Variants in PDE3A observed in about 807,000 individuals in gnomAD.
PDE3A encodes the protein phosphodiesterase 3A.
A neutral mutation model predicts 98.3 loss-of-function variants in PDE3A; 43 were observed. The observed-to-expected ratio is 0.44, with a 90% CI of 0.34 to 0.56. The LOEUF (loss-of-function observed/expected upper bound fraction) is 0.56. PDE3A is among the 20% of genes least tolerant of loss of function. The pLI, the probability that PDE3A is intolerant of heterozygous loss-of-function variation, is 0.01. For missense variants in PDE3A, 1,427 were observed against 1,440.7 expected, an observed-to-expected ratio of 0.99 and a Z score of 0.15; for synonymous variants, 663 against 567.9, an observed-to-expected ratio of 1.17 and a Z score of -2.38.
intron 2 of PDE3A, among the ~76,000 whole-genome samples, chr12:20,611,699 C>T (rs1369851976): frequency 6.6e-6 from 1 of 151,742 alleles, no homozygotes; most frequent in African/African-American, 2.4e-5. Flanking sequence ...TCATTACTTA[C>T]AGGTATTGCA....
intron 1 of PDE3A, among the ~76,000 whole-genome samples, chr12:20,426,773 G>C (rs1180185901): frequency 6.6e-6 from 1 of 152,156 alleles, no homozygotes; most frequent in Non-Finnish European, 1.5e-5. Flanking sequence ...CCAGTGCTGA[G>C]TCTTGCAGCA....
At chr12:20,404,233 C>A (rs944341548) in intron 1 of PDE3A, among the ~76,000 whole-genome samples, 2 of 151,956 alleles carry the variant, frequency 1.3e-5, no homozygotes, top group Non-Finnish European at 2.9e-5. Context: ...GTTTTTGTTT[C>A]TTTTAATAAA....
chr12:20,552,678 C>A lies in PDE3A; in HGVS notation c.961-3982C>A. The A allele has an allele frequency of 1.2e-6, 2 of 1,614,028 alleles. No homozygotes were observed. Among genetic ancestry groups the A allele is most frequent in the Non-Finnish European group, 1.7e-6 (2 of 1,179,890 alleles). ...GTCTCACGGCCCAGCAGAGCAGCCT[C>A]ATCAGAGAGGACAAGAGCAACGCCA... On this transcript the variant is annotated intron_variant, in intron 1 of 15. Transcript: ENST00000359062. This position sits in a 1 kb window ranked among gnomAD's most constrained non-coding sequence, Gnocchi z 5.1.
intron 5 of PDE3A, among the ~76,000 whole-genome samples, chr12:20,625,079 G>C (rs566456595): frequency 6.6e-6 from 1 of 152,174 alleles, no homozygotes; most frequent in Non-Finnish European, 1.5e-5. Flanking sequence ...GAGGGCTAAT[G>C]AAATCTGTTC....
At chr12:20,404,620 G>A (rs1318963340) in intron 1 of PDE3A, among the ~76,000 whole-genome samples, 1 of 152,076 alleles carries the variant, frequency 6.6e-6, no homozygotes, top group African/African-American at 2.4e-5. Context: ...GGCAATTCTA[G>A]CTTTGTTTCC....
chr12:20,507,792 C>T (rs1946146301), intron 1 of PDE3A, among the ~76,000 whole-genome samples: 1 of 152,118 alleles, frequency 6.6e-6, no homozygotes, highest in African/African-American at 2.4e-5. Flanking sequence ...GGTAACTTCT[C>T]ACCATCTCTG....
intron 1 of PDE3A, among the ~76,000 whole-genome samples, chr12:20,375,839 G>A (rs1281780514): frequency 6.6e-6 from 1 of 151,870 alleles, no homozygotes; most frequent in Non-Finnish European, 1.5e-5. Context: ...CTTGGAGCAG[G>A]TTTTTAACCT....
intron 2 of PDE3A, among the ~76,000 whole-genome samples, chr12:20,561,037 TGG>T (rs1942504169): frequency 7.8e-6 from 1 of 128,974 alleles, no homozygotes; most frequent in Non-Finnish European, 1.6e-5. Context: ...CCGAGGCAGG[TGG>T]CACCTGAGGT....
chr12:20,422,219 A>G (rs761013406), intron 1 of PDE3A, among the ~76,000 whole-genome samples: 118 of 152,004 alleles, frequency 7.8e-4, no homozygotes, highest in African/African-American at 2.0e-3. Context: ...GGTGGCGGGC[A>G]CCTGTAGTCC....
intron 1 of PDE3A, among the ~76,000 whole-genome samples, chr12:20,420,425 T>G (rs1944493309): frequency 1.3e-5 from 2 of 152,008 alleles, no homozygotes. Flanking sequence ...CATGCGGAGG[T>G]TGACTGATGT....
At position 20,685,152 on chromosome 12, in the gene PDE3A, C is replaced by T. The variant is rs1945920319; in HGVS notation, c.*4881C>T. 6.6e-6 allele frequency among the ~76,000 whole-genome samples: 1 copy of T among 152,114 alleles called. No individual in the cohort carries two copies. The highest frequency in any genetic ancestry group is 2.1e-4 in the South Asian group (1 of 4,828). On this transcript the variant is annotated 3_prime_UTR_variant, in exon 16 of 16. Transcript: ENST00000359062. ...TTTGGGCCGGGCGCAGTGGCTCACG[C>T]CTGTAATCCCAGCACTTTGGGAGGC...
intron 1 of PDE3A, among the ~76,000 whole-genome samples, chr12:20,500,363 C>T (rs1012743785): frequency 2.0e-5 from 3 of 152,070 alleles, no homozygotes; most frequent in Non-Finnish European, 4.4e-5. Context: ...TTATTTTTAA[C>T]TGATGGCAAT....
chr12:20,378,336 C>G (rs1245768686), intron 1 of PDE3A, among the ~76,000 whole-genome samples: 1 of 151,564 alleles, frequency 6.6e-6, no homozygotes, highest in African/African-American at 2.4e-5. Flanking sequence ...AGCCGTAATT[C>G]CAATTCTACA....
At chr12:20,539,659 T>C (rs1941844825) in intron 1 of PDE3A, among the ~76,000 whole-genome samples, 1 of 152,108 alleles carries the variant, frequency 6.6e-6, no homozygotes, top group South Asian at 2.1e-4. Flanking sequence ...GATGGATGGA[T>C]GATCAGTCAC....
chr12:20,563,973 C>T (rs1942593514), intron 2 of PDE3A, among the ~76,000 whole-genome samples: 1 of 152,122 alleles, frequency 6.6e-6, no homozygotes, highest in Admixed American at 6.5e-5. Context: ...CATTGACAAA[C>T]TGCAAGACAC....
At chr12:20,626,041 G>A (rs1004522563) in intron 5 of PDE3A, among the ~76,000 whole-genome samples, 1 of 152,060 alleles carries the variant, frequency 6.6e-6, no homozygotes, top group African/African-American at 2.4e-5. Flanking sequence ...GTGTAAATGT[G>A]TGAGTGTGCG....
chr12:20,462,196 T>G lies in PDE3A; in HGVS notation c.960+91952T>G, dbSNP rs115972506. Reference sequence around the variant, plus strand: ...TTTTGAATATCAGGAAGATTAAAAATTGAACTACTAGAGGCCAGGCGCGGT... The same window carrying G: ...TTTTGAATATCAGGAAGATTAAAAAGTGAACTACTAGAGGCCAGGCGCGGT... On this transcript the variant is annotated intron_variant, in intron 1 of 15. Transcript: ENST00000359062. Among the ~76,000 whole-genome samples, 1,282 of 152,254 alleles carry G rather than the reference T, an allele frequency of 8.4e-3. 20 individuals carry two copies. Among genetic ancestry groups the G allele is most frequent in the African/African-American group, 0.029 (1,204 of 41,548 alleles).
At chr12:20,590,758 T>G (rs993085546) in intron 2 of PDE3A, among the ~76,000 whole-genome samples, 2 of 152,104 alleles carry the variant, frequency 1.3e-5, no homozygotes, top group Non-Finnish European at 1.5e-5. Flanking sequence ...TACAAAGATA[T>G]GCAGATAGAA....
At chr12:20,514,227 C>A (rs7488735) in intron 1 of PDE3A, among the ~76,000 whole-genome samples, 94,686 of 151,990 alleles carry the variant, frequency 0.62, 29,825 homozygotes, top group Admixed American at 0.73. Flanking sequence ...GCCTATACCT[C>A]ATATTTTGCT....
Sources: gnomAD v4.1 joint callset for allele counts (sites outside exome capture counted in the v4.1 genomes callset) on GRCh38, gnomAD v4.1.1 for gene constraint, Gnocchi (gnomAD v3.1) non-coding constraint, MANE v1.5 for transcripts, NCBI Gene and HGNC (gene_info 2026-07-23, HGNC 2026-07-21) for gene names.